Variants in CCT2 observed in about 807,000 individuals in gnomAD.
CCT2 encodes the protein T-complex protein 1 subunit beta.
CCT2 carries 18 observed loss-of-function variants against 61.8 expected under a neutral mutation model. That is an observed-to-expected ratio of 0.29 (90% CI 0.20 to 0.43). The LOEUF is 0.43. Ranked by LOEUF, CCT2 falls within the 20% of genes least tolerant of loss-of-function variation. The pLI, the probability that CCT2 is intolerant of heterozygous loss-of-function variation, is 1.00. For synonymous variants in CCT2, 248 were observed against 215.9 expected (o/e 1.15, Z -1.30); for missense variants, 556 against 656.9 (o/e 0.85, Z 1.68).
Position 69,593,032 on chromosome 12 carries a change from T to G in CCT2, c.807T>G (p.His269Gln). 6.2e-7 allele frequency: 1 copy of G among 1,613,504 alleles called. No individual in the cohort carries two copies. The highest frequency in any genetic ancestry group is 8.5e-7 in the Non-Finnish European group (1 of 1,179,472). The change falls in exon 9 of 16, where the codon CAT (histidine) becomes CAG (glutamine). Residue 269 changes from histidine to glutamine, a missense_variant. His to Gln is a conservative substitution (Grantham distance 24, BLOSUM62 0). Around this residue, in one of 3 missense-constraint regions of CCT2, gnomAD observed 308 missense variants for 350.6 expected, o/e 0.88. Coordinates refer to ENST00000299300, the MANE Select transcript of CCT2 (RefSeq NM_006431.3). ...CAGCAAAGGTTGCAGAAATAGAACA[T>G]GCGGAAAAGGAAAAAATGAAGGAGA... ...DSTAKVAEIE[H>Q]AEKEKMKEKV...
intron 15 of CCT2, 43 bp downstream of exon 15, chr12:69,600,047 C>G (rs1882106937): frequency 6.5e-7 from 1 of 1,533,866 alleles, no homozygotes; most frequent in East Asian, 2.3e-5. Flanking sequence ...AACAGCAAAA[C>G]AAAATAGGGA....
intron 1 of CCT2, chr12:69,585,785 C>G: frequency 1.4e-6 from 2 of 1,385,282 alleles, no homozygotes; most frequent in Non-Finnish European, 9.3e-7. Flanking sequence ...AGGTCCGCGC[C>G]TCACCCGGAG....
In CCT2 at chr12:69,588,601, T is replaced by A. The variant is rs142137865; in HGVS notation, c.446+339T>A. Reference sequence around the variant, plus strand: ...ATTTTAATAGAGTTACACATTTGAATATTTGGCTAGAATGACTGTATTAAC... The same window carrying A: ...ATTTTAATAGAGTTACACATTTGAAAATTTGGCTAGAATGACTGTATTAAC... On this transcript the variant is annotated intron_variant, in intron 6 of 15. Transcript: ENST00000299300. 6.6e-5 allele frequency among the ~76,000 whole-genome samples: 10 copies of A among 152,360 alleles called. No homozygotes were observed. The East Asian group carries it at 1.7e-3, about 26-fold the overall frequency.
At position 69,589,525 on chromosome 12, in the gene CCT2, G is replaced by A. The variant is rs1881771511; in HGVS notation, c.487G>A (p.Ala163Thr). Residue 163 changes from alanine (A) to threonine (T), a missense_variant, in exon 7 of 16, where the codon GCG becomes ACG. Coordinates refer to ENST00000299300, the MANE Select transcript of CCT2 (RefSeq NM_006431.3). The part of the protein sequence containing the change: ...VKFRQDLMNI[A>T]GTTLSSKLLT... ...ATTCCGTCAAGATTTAATGAATATT[G>A]CGGGCACAACATTATCCTCAAAACT... is the stretch of plus-strand genomic sequence containing the variant. 6 of 1,613,976 alleles carry A rather than the reference G, an allele frequency of 3.7e-6. No homozygotes were observed. The South Asian group carries it at 5.5e-5, about 15-fold the overall frequency.
rs1343752062 is a variant in CCT2 at position 69,601,530 on chromosome 12, A to G, written c.*205A>G. Reference sequence around the variant, plus strand: ...CAAATCAGTTGATTTAAAAAAGTTCATTTCTCATACTGTGCATTAAAATAA... The same window carrying G: ...CAAATCAGTTGATTTAAAAAAGTTCGTTTCTCATACTGTGCATTAAAATAA... On this transcript the variant is annotated 3_prime_UTR_variant, in exon 16 of 16. Coordinates refer to ENST00000299300, the MANE Select transcript of CCT2 (RefSeq NM_006431.3). 2 of 1,407,838 alleles carry G rather than the reference A, an allele frequency of 1.4e-6. No homozygotes were observed. The highest frequency in any genetic ancestry group is 2.6e-5 in the East Asian group (1 of 38,762). The allele number at this position is 1,407,838 out of a possible 1,614,324, so 87.2% of individuals were successfully genotyped here. A position where few individuals can be genotyped will look rare whatever the true frequency, so the allele number is the denominator to read the frequency against.
intron 14 of CCT2, among the ~76,000 whole-genome samples, 200 bp downstream of exon 14, chr12:69,598,621 A>T (rs1201585254): frequency 6.6e-6 from 1 of 152,370 alleles, no homozygotes; most frequent in East Asian, 1.9e-4. Context: ...TTATTCCATA[A>T]GACATGTAAA....
At chr12:69,592,940 G>A (rs1700362218) in intron 8 of CCT2, 36 bp from the exon 9 acceptor site, 4 of 1,595,890 alleles carry the variant, frequency 2.5e-6, no homozygotes, top group African/African-American at 2.7e-5. Context: ...AAAAAATAAT[G>A]AAACTGATGC....
chr12:69,594,009 G>A (rs1270910690), intron 10 of CCT2, among the ~76,000 whole-genome samples: 1 of 151,842 alleles, frequency 6.6e-6, no homozygotes, highest in Non-Finnish European at 1.5e-5. Context: ...GGTGGCAAGC[G>A]CCTGTGATCC....
intron 4 of CCT2, 156 bp downstream of exon 4, chr12:69,587,772 C>T (rs546551565): frequency 1.9e-5 from 14 of 736,414 alleles, no homozygotes; most frequent in South Asian, 3.5e-5. Flanking sequence ...CAGGAGTGCC[C>T]GTATGTTGGT....
intron 9 of CCT2, 44 bp from the exon 10 acceptor site, chr12:69,593,466 T>G (rs1881897098): frequency 1.6e-6 from 2 of 1,269,650 alleles, no homozygotes; most frequent in South Asian, 2.5e-5. Context: ...TAGTTTATCT[T>G]GTAACAGTTG....
chr12:69,593,513 A>C lies in CCT2; in HGVS notation c.882A>C (p.Gln294His). 3.1e-6 allele frequency: 5 copies of C among 1,596,056 alleles called. No homozygotes were observed. The highest frequency in any genetic ancestry group is 3.4e-6 in the Non-Finnish European group (4 of 1,165,838). The change falls in exon 10 of 16, where the codon CAA (glutamine) becomes CAC (histidine). Residue 294 changes from glutamine to histidine, a missense_variant. Transcript: ENST00000299300. ...TTTTCATGTATTTTATTTACAGGCA[A>C]TTAATTTATAATTATCCTGAACAGC... The part of the protein sequence containing the change: ...KHGINCFINR[Q>H]LIYNYPEQLF...
intron 9 of CCT2, 142 bp downstream of exon 9, chr12:69,593,245 A>T: frequency 1.3e-6 from 1 of 750,412 alleles, no homozygotes; most frequent in Non-Finnish European, 2.1e-6. Flanking sequence ...TAATCAGTAA[A>T]TTGTGATTTA....
At chr12:69,586,888 C>T (rs1881680964) in intron 3 of CCT2, 70 bp downstream of exon 3, 4 of 918,544 alleles carry the variant, frequency 4.4e-6, no homozygotes, top group African/African-American at 1.7e-5. Flanking sequence ...TAATAACAAG[C>T]GTATTAAAAT....
rs765639223 is a variant in CCT2 at position 69,599,902 on chromosome 12, G to A, written c.1475G>A (p.Gly492Asp). ...EGTIGDMAIL[G>D]ITESFQVKRQ... ...ACCATTGGAGATATGGCTATCCTGG[G>A]TATAACAGAAAGTTTTCAAGTGAAG... Residue 492 changes from glycine to aspartate, a missense_variant, in exon 15 of 16, where the codon GGT becomes GAT. Transcript: ENST00000299300. The A allele has an allele frequency of 1.9e-6, 3 of 1,613,518 alleles. No homozygotes were observed. The highest frequency in any genetic ancestry group is 2.2e-5 in the South Asian group (2 of 91,058).
rs1218228150 is a variant in CCT2, at chr12:69,585,555, C to T, written c.3+31C>T. ...CCTGACTCCCCTGCCTCTTGCCCTACCCCTGCTCCGCCGTGCTCTTGCCAC... is the reference window on the plus strand; with the variant it reads ...CCTGACTCCCCTGCCTCTTGCCCTATCCCTGCTCCGCCGTGCTCTTGCCAC... On this transcript the variant is annotated intron_variant, in intron 1 of 15. Transcript: ENST00000299300. 3 of 1,567,904 alleles carry T rather than the reference C, an allele frequency of 1.9e-6. No individual in the cohort carries two copies. In the East Asian group the frequency reaches 7.1e-5, roughly 37 times the overall value.
chr12:69,595,718 G>A (rs970966184), intron 10 of CCT2, among the ~76,000 whole-genome samples: 1 of 148,234 alleles, frequency 6.7e-6, no homozygotes, highest in African/African-American at 2.5e-5. Context: ...GATGTAAGAA[G>A]TAAATGGTAA....
intron 15 of CCT2, among the ~76,000 whole-genome samples, chr12:69,601,094 C>G (rs1882134644): frequency 6.6e-6 from 1 of 152,146 alleles, no homozygotes; most frequent in Non-Finnish European, 1.5e-5. Flanking sequence ...AACTTGGTCA[C>G]CTCTTAAAAG....
At chr12:69,600,794 A>T (rs116702732) in intron 15 of CCT2, among the ~76,000 whole-genome samples, 1 of 152,298 alleles carries the variant, frequency 6.6e-6, no homozygotes, top group African/African-American at 2.4e-5. Flanking sequence ...AGTGTTTCTC[A>T]AGCTTTAGAT....
intron 7 of CCT2, 52 bp from the exon 8 acceptor site, chr12:69,592,007 C>T: frequency 9.8e-7 from 1 of 1,021,668 alleles, no homozygotes; most frequent in Non-Finnish European, 1.5e-6. Flanking sequence ...ATAAGATTTA[C>T]TAAGGCTGCT....
Sources: allele counts gnomAD v4.1 joint callset (sites outside exome capture counted in the v4.1 genomes callset), GRCh38; gene constraint gnomAD v4.1.1; regional missense constraint gnomAD v4.1.1; transcripts MANE v1.5; gene names NCBI Gene and HGNC (gene_info 2026-07-23, HGNC 2026-07-21).